Variants in WWOX observed in about 807,000 individuals in gnomAD.
WWOX encodes WW domain-containing oxidoreductase.
In WWOX, 69 loss-of-function variants were observed where a neutral mutation model predicts 46.2. That is an observed-to-expected ratio of 1.49 (90% CI 1.23 to 1.82). WWOX has a LOEUF of 1.82. Ranked by LOEUF, WWOX falls within the 40% of genes most tolerant of loss-of-function variation. The pLI is 0.00. For missense variants in WWOX, 919 were observed against 542.6 expected (o/e 1.69, Z -6.89); for synonymous variants, 359 against 202.6 (o/e 1.77, Z -6.56).
At chr16:78,152,195 A>AG (rs540002702) in intron 4 of WWOX, among the ~76,000 whole-genome samples, 22 of 20,858 alleles carry the variant, frequency 1.1e-3, no homozygotes, top group African/African-American at 3.6e-3. Flanking sequence ...GTCTCAAGAG[A>AG]AAAAAAAAAA....
At chr16:78,827,871 C>T (rs1023580357) in intron 8 of WWOX, among the ~76,000 whole-genome samples, 13 of 152,048 alleles carry the variant, frequency 8.5e-5, no homozygotes, top group African/African-American at 3.1e-4. Flanking sequence ...AACATATGGC[C>T]AGCAGCCAGT....
chr16:78,972,122 G>T (rs1008178483), intron 8 of WWOX, among the ~76,000 whole-genome samples: 8 of 152,214 alleles, frequency 5.3e-5, no homozygotes, highest in Non-Finnish European at 1.2e-4. Context: ...CTGTCGTCCT[G>T]CATTGGAGGA....
chr16:78,837,355 G>A (rs1280404230), intron 8 of WWOX, among the ~76,000 whole-genome samples: 5 of 152,148 alleles, frequency 3.3e-5, no homozygotes, highest in South Asian at 2.1e-4. Flanking sequence ...CCCTCACCCA[G>A]CAACTTGCTT....
At chr16:78,324,225 T>C (rs1322651662) in intron 5 of WWOX, among the ~76,000 whole-genome samples, 2 of 152,132 alleles carry the variant, frequency 1.3e-5, no homozygotes, top group Non-Finnish European at 2.9e-5. Context: ...TGGTGGCTTC[T>C]TGTTTCCCTG....
chr16:78,519,158 G>A (rs555592049), intron 8 of WWOX, among the ~76,000 whole-genome samples: 11 of 152,224 alleles, frequency 7.2e-5, no homozygotes, highest in Non-Finnish European at 1.3e-4. Context: ...TGTGGCCCCC[G>A]GCCTCAGGGA....
At chr16:78,310,975 C>T (rs2080231238) in intron 5 of WWOX, among the ~76,000 whole-genome samples, 1 of 152,172 alleles carries the variant, frequency 6.6e-6, no homozygotes, top group Non-Finnish European at 1.5e-5. Context: ...CGAGTGAGTG[C>T]AAGAGCCAGC....
Position 78,619,733 on chromosome 16 carries a change from CA to C in WWOX, c.1056+186982del, listed in dbSNP as rs570721986. ...CAGCCTGGGCAACATCATGAGACCC[CA>C]TCTGTATCCAAATAAAAGCAACAAA... On this transcript the variant is annotated intron_variant, in intron 8 of 8. Coordinates refer to ENST00000566780, the MANE Select transcript of WWOX (RefSeq NM_016373.4). 2.0e-3 allele frequency among the ~76,000 whole-genome samples: 310 copies of C among 151,786 alleles called. 1 individual carries two copies. The highest frequency in any genetic ancestry group is 7.0e-3 in the African/African-American group (289 of 41,366).
At chr16:78,712,142 A>G (rs545196216) in intron 8 of WWOX, among the ~76,000 whole-genome samples, 3 of 152,244 alleles carry the variant, frequency 2.0e-5, no homozygotes, top group Middle Eastern at 3.4e-3. Context: ...CAATAAGCCA[A>G]TGTTCAATTG....
intron 8 of WWOX, among the ~76,000 whole-genome samples, chr16:78,609,135 G>T (rs2151627837): frequency 6.6e-6 from 1 of 152,232 alleles, no homozygotes; most frequent in East Asian, 1.9e-4. Context: ...GAGGGGCAGG[G>T]GAAGGTTATA....
chr16:78,931,587 A>G lies in WWOX; in HGVS notation c.1057-280021A>G, dbSNP rs528369672. Among the ~76,000 whole-genome samples the G allele has an allele frequency of 8.5e-5, 13 of 152,362 alleles. No homozygotes were observed. The South Asian group carries it at 2.7e-3, about 32-fold the overall frequency. On this transcript the variant is annotated intron_variant, in intron 8 of 8. Coordinates refer to ENST00000566780, the MANE Select transcript of WWOX (RefSeq NM_016373.4). ...CATGATCCTTGACCTTGAGAAACCTATAGTCTAATAGAGGAGGCACATATA... is the reference window on the plus strand; with the variant it reads ...CATGATCCTTGACCTTGAGAAACCTGTAGTCTAATAGAGGAGGCACATATA...
intron 8 of WWOX, among the ~76,000 whole-genome samples, chr16:78,535,996 T>G (rs897872905): frequency 4.6e-5 from 7 of 152,156 alleles, no homozygotes; most frequent in African/African-American, 1.7e-4. Context: ...AAGGTTAGTT[T>G]CGGGTATTTC....
chr16:79,037,254 C>T (rs566168653), intron 8 of WWOX, among the ~76,000 whole-genome samples: 1 of 152,308 alleles, frequency 6.6e-6, no homozygotes, highest in Non-Finnish European at 1.5e-5. Context: ...GCTCCTGCTC[C>T]TGACTCTGGG....
At chr16:78,499,309 G>A (rs2084997840) in intron 8 of WWOX, among the ~76,000 whole-genome samples, 1 of 152,138 alleles carries the variant, frequency 6.6e-6, no homozygotes, top group African/African-American at 2.4e-5. Flanking sequence ...TGGTGGTGGG[G>A]TGGCACACAT....
At chr16:78,651,852 C>T (rs1224133100) in intron 8 of WWOX, among the ~76,000 whole-genome samples, 1 of 152,110 alleles carries the variant, frequency 6.6e-6, no homozygotes, top group East Asian at 1.9e-4. Context: ...CTTTCGGAGC[C>T]TTAGTTTTGT....
At chr16:78,998,589 A>G (rs748404406) in intron 8 of WWOX, among the ~76,000 whole-genome samples, 25 of 152,202 alleles carry the variant, frequency 1.6e-4, no homozygotes, top group Non-Finnish European at 1.6e-4. Flanking sequence ...CGATGTAGTT[A>G]AGACTCAATT....
chr16:78,271,240 C>G (rs530156491), intron 5 of WWOX, among the ~76,000 whole-genome samples: 1 of 152,216 alleles, frequency 6.6e-6, no homozygotes, highest in South Asian at 2.1e-4. Context: ...TTTCGTCCAC[C>G]TGAGTTTCAA....
chr16:78,715,442 A>C (rs375533860), intron 8 of WWOX, among the ~76,000 whole-genome samples: 1 of 152,046 alleles, frequency 6.6e-6, no homozygotes, highest in East Asian at 1.9e-4. Context: ...AATTTTTACC[A>C]GCTGGGTCTG....
intron 8 of WWOX, among the ~76,000 whole-genome samples, chr16:78,806,011 C>G (rs1000713059): frequency 6.6e-6 from 1 of 152,124 alleles, no homozygotes; most frequent in South Asian, 2.1e-4. Context: ...TCTTTCAAAG[C>G]CAAATAATGA....
intron 6 of WWOX, among the ~76,000 whole-genome samples, chr16:78,412,569 G>C (rs115947893): frequency 6.6e-4 from 100 of 152,312 alleles, no homozygotes; most frequent in African/African-American, 2.3e-3. Context: ...GACAAAAAAT[G>C]GAGTGGTAGT....
Sources: allele counts gnomAD v4.1 joint callset (sites outside exome capture counted in the v4.1 genomes callset), GRCh38; gene constraint gnomAD v4.1.1; transcripts MANE v1.5; gene names NCBI Gene and HGNC (gene_info 2026-07-23, HGNC 2026-07-21).